IFT56: variants seen among roughly 807,000 people sequenced by gnomAD.
The protein encoded by IFT56 is intraflagellar transport 56.
At chr7:139,151,212 A>C in the IFT56 span, among the ~76,000 whole-genome samples, 1 of 152,200 alleles carries the variant, frequency 6.6e-6, no homozygotes, top group East Asian at 1.9e-4. Flanking sequence ...GCCATATCTG[A>C]TTAGGATATC....
chr7:139,173,664 C>T, the IFT56 span: 16 of 774,460 alleles, frequency 2.1e-5, no homozygotes, highest in Admixed American at 3.4e-5. Context: ...ATATAATGCA[C>T]GTTCATATTG....
chr7:139,190,828 A>G, the IFT56 span: 4 of 152,302 alleles, frequency 2.6e-5, no homozygotes, highest in African/African-American at 9.6e-5. Flanking sequence ...CTATTAGTTT[A>G]AGGTACCTAG....
At chr7:139,170,160 T>C in the IFT56 span, among the ~76,000 whole-genome samples, 2 of 152,092 alleles carry the variant, frequency 1.3e-5, no homozygotes, top group African/African-American at 2.4e-5. Flanking sequence ...GATTGAACCA[T>C]GAAGAAATCC....
chr7:139,176,646 G>T, the IFT56 span, among the ~76,000 whole-genome samples: 1 of 152,188 alleles, frequency 6.6e-6, no homozygotes, highest in African/African-American at 2.4e-5. Context: ...GGTTGTCTAT[G>T]CCTGGCATCT....
At chr7:139,142,737 G>A in the IFT56 span, among the ~76,000 whole-genome samples, 1 of 152,108 alleles carries the variant, frequency 6.6e-6, no homozygotes, top group African/African-American at 2.4e-5. Flanking sequence ...GAGGCTGAGG[G>A]AGGAGAATCA....
At chr7:139,159,768 T>C in the IFT56 span, among the ~76,000 whole-genome samples, 2 of 152,232 alleles carry the variant, frequency 1.3e-5, no homozygotes, top group Non-Finnish European at 2.9e-5. Context: ...AATATGTATG[T>C]CAATGTGTAG....
chr7:139,159,308 A>G, the IFT56 span, among the ~76,000 whole-genome samples: 2 of 151,992 alleles, frequency 1.3e-5, no homozygotes, highest in Admixed American at 6.6e-5. Flanking sequence ...TTCTTGTGTT[A>G]TTTTTGGTAA....
chr7:139,147,066 T>A, the IFT56 span: 281 of 1,590,702 alleles, frequency 1.8e-4, 3 homozygotes, highest in Middle Eastern at 6.6e-4. Flanking sequence ...AGAGTTAAAA[T>A]CTCTATCACA....
chr7:139,143,807 A>G, the IFT56 span, among the ~76,000 whole-genome samples: 7 of 152,026 alleles, frequency 4.6e-5, no homozygotes, highest in South Asian at 8.3e-4. Flanking sequence ...TTAAAACTAT[A>G]TATTTATCCT....
At chr7:139,141,572 T>A in the IFT56 span, among the ~76,000 whole-genome samples, 1 of 152,234 alleles carries the variant, frequency 6.6e-6, no homozygotes, top group Non-Finnish European at 1.5e-5. Context: ...TAGACACATA[T>A]AAGGTGATTG....
chr7:139,189,085 TAAA>T, the IFT56 span, among the ~76,000 whole-genome samples: 1 of 152,192 alleles, frequency 6.6e-6, no homozygotes, highest in Non-Finnish European at 1.5e-5. Context: ...GTAGTATGGA[TAAA>T]CAAGGAACAC....
chr7:139,173,785 C>G, the IFT56 span: 25 of 749,656 alleles, frequency 3.3e-5, no homozygotes, highest in Non-Finnish European at 1.0e-5. Flanking sequence ...GAAAGTTTCA[C>G]TAACCATTTC....
the IFT56 span, chr7:139,191,330 G>A: frequency 2.0e-5 from 3 of 152,096 alleles, no homozygotes. Context: ...TCCCATCTGG[G>A]TAGAACCTGC....
At chr7:139,140,423 A>T in the IFT56 span, among the ~76,000 whole-genome samples, 1 of 151,708 alleles carries the variant, frequency 6.6e-6, no homozygotes, top group Non-Finnish European at 1.5e-5. Flanking sequence ...GCTTTCTTAC[A>T]TATGATATTC....
the IFT56 span, chr7:139,134,572 C>A: frequency 6.9e-7 from 1 of 1,459,348 alleles, no homozygotes; most frequent in Non-Finnish European, 9.1e-7. Flanking sequence ...CCGGCCTTGA[C>A]TTATAAATTA....
the IFT56 span, among the ~76,000 whole-genome samples, chr7:139,164,499 T>C: frequency 2.0e-5 from 3 of 152,340 alleles, no homozygotes; most frequent in Non-Finnish European, 1.5e-5. Flanking sequence ...TTCTCATAGT[T>C]ATAATTTTAT....
At chr7:139,162,924 A>C in the IFT56 span, among the ~76,000 whole-genome samples, 2 of 150,748 alleles carry the variant, frequency 1.3e-5, no homozygotes, top group Non-Finnish European at 3.0e-5. Context: ...GCACCACTGC[A>C]CTCCAGCCTG....
the IFT56 span, chr7:139,169,230 T>C: frequency 7.2e-7 from 1 of 1,383,112 alleles, no homozygotes; most frequent in Non-Finnish European, 1.0e-6. Context: ...AACCATATAG[T>C]ATAATAAAAT....
chr7:139,137,257 A>G, the IFT56 span, among the ~76,000 whole-genome samples: 1 of 152,194 alleles, frequency 6.6e-6, no homozygotes, highest in African/African-American at 2.4e-5. Flanking sequence ...TTCACAATGG[A>G]CATAAGTGAG....
Sources: allele counts gnomAD v4.1 joint callset (sites outside exome capture counted in the v4.1 genomes callset), GRCh38; gene constraint gnomAD v4.1.1; transcripts MANE v1.5; gene names NCBI Gene and HGNC (gene_info 2026-07-23, HGNC 2026-07-21).